Variants in ARMC8 observed in about 807,000 individuals in gnomAD.
ARMC8 encodes armadillo repeat containing 8.
ARMC8 carries 20 observed loss-of-function variants against 99.3 expected under a neutral mutation model. The observed-to-expected ratio is 0.20, with a 90% CI of 0.14 to 0.29. The LOEUF is 0.29. ARMC8 is among the 10% of genes least tolerant of loss of function. The pLI, the probability that ARMC8 is intolerant of heterozygous loss-of-function variation, is 1.00. For missense variants in ARMC8, 569 were observed against 809.5 expected, an observed-to-expected ratio of 0.70 and a Z score of 3.60; for synonymous variants, 263 against 278.3, an observed-to-expected ratio of 0.95 and a Z score of 0.55.
chr3:138,220,152 G>A (rs112900394), intron 2 of ARMC8, among the ~76,000 whole-genome samples: 4 of 152,278 alleles, frequency 2.6e-5, no homozygotes, highest in African/African-American at 9.6e-5. Context: ...GTAGGTTAAG[G>A]TCCATATGCT....
chr3:138,240,825 G>A (rs2046576554), intron 10 of ARMC8, among the ~76,000 whole-genome samples: 1 of 152,106 alleles, frequency 6.6e-6, no homozygotes, highest in Non-Finnish European at 1.5e-5. Context: ...GATCCGTCAG[G>A]CTTAGAAATA....
At position 138,228,954 on chromosome 3, in the gene ARMC8, A is replaced by T; in HGVS notation, c.472A>T (p.Ser158Cys). Residue 158 changes from serine (S) to cysteine (C), a missense_variant, in exon 6 of 22, where the codon AGC becomes TGC. Ser to Cys is a moderately radical substitution (Grantham distance 112). Around this residue, in one of 2 missense-constraint regions of ARMC8, gnomAD observed 342 missense variants for 391.6 expected, o/e 0.87. Coordinates refer to ENST00000469044, the MANE Select transcript of ARMC8 (RefSeq NM_001363941.2). Reference sequence around the variant, plus strand: ...GATACCACACCTCATGGCACTGCTTAGCAGGTCCCGCTATACCCAGGAGTA... The same window carrying T: ...GATACCACACCTCATGGCACTGCTTTGCAGGTCCCGCTATACCCAGGAGTA... The part of the protein sequence containing the change: ...TVIPHLMALL[S>C]RSRYTQEYIC... The T allele has an allele frequency of 6.2e-7, 1 of 1,610,032 alleles. No homozygotes were observed. Among genetic ancestry groups the T allele is most frequent in the Non-Finnish European group, 8.5e-7 (1 of 1,177,738 alleles).
At chr3:138,279,661 T>G (rs985522838) in intron 18 of ARMC8, among the ~76,000 whole-genome samples, 3 of 152,234 alleles carry the variant, frequency 2.0e-5, no homozygotes, top group African/African-American at 7.2e-5. Flanking sequence ...TGGAATCATC[T>G]GGATACGATG....
intron 12 of ARMC8, among the ~76,000 whole-genome samples, chr3:138,263,042 T>C (rs1331186230): frequency 6.6e-6 from 1 of 152,250 alleles, no homozygotes; most frequent in African/African-American, 2.4e-5. Flanking sequence ...TTAATATTTG[T>C]GTTGTGATGT....
At chr3:138,192,275 CTTTTT>C (rs372563436) in intron 1 of ARMC8, among the ~76,000 whole-genome samples, 16 of 130,678 alleles carry the variant, frequency 1.2e-4, no homozygotes, top group Admixed American at 3.9e-4. Context: ...TTTATTTATC[CTTTTT>C]TTTTTTTTTT....
chr3:138,217,800 T>C (rs886265261), intron 2 of ARMC8, among the ~76,000 whole-genome samples: 5 of 152,230 alleles, frequency 3.3e-5, no homozygotes, highest in Non-Finnish European at 7.4e-5. Context: ...ATTCAGTGTG[T>C]ACAAAGTCAA....
chr3:138,225,407 G>A (rs991553584), intron 5 of ARMC8, among the ~76,000 whole-genome samples: 27 of 152,128 alleles, frequency 1.8e-4, no homozygotes, highest in African/African-American at 5.8e-4. Flanking sequence ...CACTGCGCCC[G>A]GCCTCTTCTA....
chr3:138,237,602 A>G (rs771946881), intron 9 of ARMC8, 30 bp downstream of exon 9: 1 of 1,569,006 alleles, frequency 6.4e-7, no homozygotes, highest in Middle Eastern at 2.2e-4. Flanking sequence ...GGGAAGAAAG[A>G]CAGTGCTTTA....
intron 18 of ARMC8, among the ~76,000 whole-genome samples, chr3:138,275,315 T>C (rs556632328): frequency 8.5e-5 from 13 of 152,292 alleles, no homozygotes; most frequent in African/African-American, 3.1e-4. Context: ...CCCAGCACTT[T>C]GGGAGGCCGA....
intron 2 of ARMC8, among the ~76,000 whole-genome samples, chr3:138,217,837 C>G (rs1273975279): frequency 6.6e-6 from 1 of 152,208 alleles, no homozygotes; most frequent in Non-Finnish European, 1.5e-5. Flanking sequence ...TCTCTCTAAG[C>G]TTTCTGTTGT....
intron 19 of ARMC8, among the ~76,000 whole-genome samples, chr3:138,285,447 C>T (rs948805184): frequency 6.6e-6 from 1 of 152,228 alleles, no homozygotes; most frequent in African/African-American, 2.4e-5. Flanking sequence ...GTTCACTACA[C>T]TGGCCACTTG....
chr3:138,255,316 C>T (rs2047339478), intron 12 of ARMC8, among the ~76,000 whole-genome samples: 2 of 151,452 alleles, frequency 1.3e-5, no homozygotes, highest in Non-Finnish European at 2.9e-5. Context: ...CATTCTCCTG[C>T]CTCAGCCTCC....
intron 12 of ARMC8, among the ~76,000 whole-genome samples, chr3:138,260,465 C>G (rs1471175676): frequency 6.6e-6 from 1 of 152,228 alleles, no homozygotes; most frequent in Non-Finnish European, 1.5e-5. Context: ...GCTACCTACT[C>G]ATTTTATTTC....
chr3:138,264,600 A>G (rs912533078), intron 14 of ARMC8, among the ~76,000 whole-genome samples: 5 of 150,976 alleles, frequency 3.3e-5, no homozygotes, highest in African/African-American at 7.3e-5. Flanking sequence ...TTGTATTTTT[A>G]GTAGAGGCGG....
In ARMC8 at chr3:138,278,694, T is replaced by C. The variant is rs555445237; in HGVS notation, c.1725+4150T>C. 5.9e-5 allele frequency among the ~76,000 whole-genome samples: 9 copies of C among 152,318 alleles called. No homozygotes were observed. The South Asian group carries it at 1.9e-3, about 32-fold the overall frequency. ...TATTGAGTCTTCCAATTCATGAATA[T>C]ATCTTCCCAATTATTTAGGTCTTCT... On this transcript the variant is annotated intron_variant, in intron 18 of 21. Transcript: ENST00000469044.
In ARMC8 at chr3:138,237,588, A is replaced by G. The variant is rs774117383; in HGVS notation, c.776+16A>G. 4 of 1,603,226 alleles carry G rather than the reference A, an allele frequency of 2.5e-6. No homozygotes were observed. The highest frequency in any genetic ancestry group is 3.4e-6 in the Non-Finnish European group (4 of 1,172,780). On this transcript the variant is annotated intron_variant, in intron 9 of 21. Transcript: ENST00000469044. ...CAGCAAAATGGTAAAAGTCAGGACA[A>G]TGTGGGAAGAAAGACAGTGCTTTAT...
At chr3:138,248,301 G>A (rs905660139) in intron 12 of ARMC8, among the ~76,000 whole-genome samples, 5 of 152,158 alleles carry the variant, frequency 3.3e-5, no homozygotes, top group Non-Finnish European at 4.4e-5. Flanking sequence ...ATGGATTTTG[G>A]TTAGAGAGAG....
In ARMC8 at chr3:138,237,035, A is replaced by G. The variant is rs2293033; in HGVS notation, c.610-274A>G. ...CTTTGTCTTACCAACTGTATTTTGT[A>G]TAGTGTTCTTTTAATTTTGATTAGG... On this transcript the variant is annotated intron_variant, in intron 7 of 21. Coordinates refer to ENST00000469044, the MANE Select transcript of ARMC8 (RefSeq NM_001363941.2). Among the ~76,000 whole-genome samples, 477 of 152,264 alleles carry G rather than the reference A, an allele frequency of 3.1e-3. 19 individuals are homozygous for G. The East Asian group carries it at 0.078, about 25-fold the overall frequency.
intron 2 of ARMC8, among the ~76,000 whole-genome samples, chr3:138,220,000 G>A (rs2045302947): frequency 6.6e-6 from 1 of 152,200 alleles, no homozygotes; most frequent in African/African-American, 2.4e-5. Flanking sequence ...AGGGTTGGGA[G>A]TTCTGGAATA....
Sources: gnomAD v4.1 joint callset for allele counts (sites outside exome capture counted in the v4.1 genomes callset) on GRCh38, gnomAD v4.1.1 for gene constraint, gnomAD v4.1.1 regional missense constraint, MANE v1.5 for transcripts, NCBI Gene and HGNC (gene_info 2026-07-23, HGNC 2026-07-21) for gene names.